ZNF407: variants seen among roughly 807,000 people sequenced by gnomAD.
ZNF407 encodes the protein zinc finger protein 407.
Under a neutral mutation model 131.2 loss-of-function variants are expected in ZNF407, and 17 were observed. The observed-to-expected ratio is 0.13, with a 90% confidence interval of 0.09 to 0.19. The LOEUF (loss-of-function observed/expected upper bound fraction) is 0.19. Ranked by LOEUF, ZNF407 falls within the 10% of genes least tolerant of loss-of-function variation. ZNF407 has a pLI of 1.00. For missense variants in ZNF407, 2,681 were observed against 2,830.6 expected, an observed-to-expected ratio of 0.95 and a Z score of 1.20; for synonymous variants, 1,156 against 1,062.0, an observed-to-expected ratio of 1.09 and a Z score of -1.72.
intron 8 of ZNF407, among the ~76,000 whole-genome samples, chr18:75,042,483 ATGATGTAAC>A (rs1262729951): frequency 2.6e-5 from 4 of 152,222 alleles, no homozygotes; most frequent in African/African-American, 9.6e-5. Flanking sequence ...TAGAGAGAAA[ATGATGTAAC>A]TGCCCACTGA....
intron 4 of ZNF407, among the ~76,000 whole-genome samples, chr18:74,806,280 A>G (rs1371054204): frequency 6.6e-6 from 1 of 152,224 alleles, no homozygotes; most frequent in Non-Finnish European, 1.5e-5. Context: ...TCTTTATCTT[A>G]TCTCAGAAAG....
chr18:74,708,332 A>G (rs1467180537), intron 3 of ZNF407, among the ~76,000 whole-genome samples: 3 of 152,214 alleles, frequency 2.0e-5, no homozygotes, highest in Non-Finnish European at 4.4e-5. Flanking sequence ...ATTACATCAT[A>G]TCACACACAG....
intron 8 of ZNF407, among the ~76,000 whole-genome samples, chr18:74,983,202 A>G (rs1972613317): frequency 6.6e-6 from 1 of 152,120 alleles, no homozygotes; most frequent in Non-Finnish European, 1.5e-5. Context: ...CGATTTGAGT[A>G]GTACCCGGCT....
At chr18:75,010,594 A>G (rs1428893960) in intron 8 of ZNF407, among the ~76,000 whole-genome samples, 1 of 152,172 alleles carries the variant, frequency 6.6e-6, no homozygotes, top group Non-Finnish European at 1.5e-5. Flanking sequence ...TTTCAGTCAC[A>G]TTGGAATCAG....
intron 4 of ZNF407, among the ~76,000 whole-genome samples, chr18:74,866,987 GAAAAAAAAAAA>G (rs35418996): frequency 1.6e-5 from 1 of 62,788 alleles, no homozygotes; most frequent in African/African-American, 6.4e-5. Context: ...GTGTCTACCC[GAAAAAAAAAAA>G]AAAAAAAAAA....
At chr18:74,788,704 G>A (rs541204583) in intron 4 of ZNF407, among the ~76,000 whole-genome samples, 2 of 148,634 alleles carry the variant, frequency 1.3e-5, no homozygotes, top group South Asian at 4.3e-4. Context: ...AGTAGTATAT[G>A]TCACAGAAAA....
chr18:74,818,161 G>T (rs1222142154), intron 4 of ZNF407, among the ~76,000 whole-genome samples: 1 of 152,174 alleles, frequency 6.6e-6, no homozygotes, highest in Non-Finnish European at 1.5e-5. Flanking sequence ...TGCACGTTTG[G>T]TGAGTCCGCC....
At chr18:74,641,165 A>C in intron 3 of ZNF407, 43 bp downstream of exon 3, 1 of 1,480,998 alleles carries the variant, frequency 6.8e-7, no homozygotes, top group Non-Finnish European at 9.4e-7. Flanking sequence ...ACCAGGAAGC[A>C]TGTGCAGGAT....
intron 3 of ZNF407, among the ~76,000 whole-genome samples, chr18:74,728,036 G>T (rs941658827): frequency 6.6e-6 from 1 of 152,058 alleles, no homozygotes; most frequent in Admixed American, 6.5e-5. Context: ...AGGACCCTTG[G>T]GGCAGATGTG....
At chr18:74,945,841 A>G (rs572084728) in intron 8 of ZNF407, among the ~76,000 whole-genome samples, 1 of 152,178 alleles carries the variant, frequency 6.6e-6, no homozygotes, top group Non-Finnish European at 1.5e-5. Flanking sequence ...AATGCCCTCT[A>G]GCACTATTGT....
chr18:75,044,564 C>T (rs1013287234), intron 8 of ZNF407, among the ~76,000 whole-genome samples: 1 of 152,074 alleles, frequency 6.6e-6, no homozygotes, highest in Non-Finnish European at 1.5e-5. Flanking sequence ...CCCTAGGTAA[C>T]GTTTCTGATC....
At position 74,881,072 on chromosome 18, in the gene ZNF407, C is replaced by T; in HGVS notation, c.5081C>T (p.Ala1694Val). ...KSFLCDLCGF[A>V]GGTRHALTKH... ...TTTCTGTGTGACCTCTGCGGCTTTGCCGGCGGGACCCGCCACGCCCTCACC... is the reference window on the plus strand; with the variant it reads ...TTTCTGTGTGACCTCTGCGGCTTTGTCGGCGGGACCCGCCACGCCCTCACC... Residue 1694 changes from alanine to valine, a missense_variant, in exon 6 of 9, where the codon GCC becomes GTC. This residue lies in a region of ZNF407 where 213 missense variants were observed against 332.2 expected (regional missense o/e 0.64). Coordinates refer to ENST00000299687, the MANE Select transcript of ZNF407 (RefSeq NM_017757.3). 6.4e-7 allele frequency: 1 copy of T among 1,562,272 alleles called. No homozygotes were observed.
Position 74,631,520 on chromosome 18 carries a change from T to C in ZNF407, c.501T>C (p.Pro167=). The change falls in exon 2 of 9, where the codon CCT becomes CCC. Residue 167 remains proline (P), a synonymous_variant. Coordinates refer to ENST00000299687, the MANE Select transcript of ZNF407 (RefSeq NM_017757.3). ...CCCTTGATCTGGAAAGAGAATCTCCTTTCCCCCCGAAAGAAATTAGTGTTA... is the reference window on the plus strand; with the variant it reads ...CCCTTGATCTGGAAAGAGAATCTCCCTTCCCCCCGAAAGAAATTAGTGTTA... ...MVSLDLERES[P]FPPKEISVSC... 1 of 1,613,906 alleles carries C rather than the reference T, an allele frequency of 6.2e-7. No individual in the cohort carries two copies. Among genetic ancestry groups the C allele is most frequent in the Non-Finnish European group, 8.5e-7 (1 of 1,179,898 alleles).
intron 7 of ZNF407, among the ~76,000 whole-genome samples, chr18:74,918,077 C>G (rs1016306374): frequency 1.3e-5 from 2 of 152,164 alleles, no homozygotes; most frequent in Non-Finnish European, 2.9e-5. Context: ...TTTTAACTGT[C>G]ATAAAAGTGG....
At chr18:74,693,280 G>A (rs950333786) in intron 3 of ZNF407, among the ~76,000 whole-genome samples, 1 of 152,134 alleles carries the variant, frequency 6.6e-6, no homozygotes, top group Non-Finnish European at 1.5e-5. Flanking sequence ...CAGATTATCC[G>A]ACTCTTTCTC....
At position 74,635,536 on chromosome 18, in the gene ZNF407, A is replaced by T; in HGVS notation, c.4517A>T (p.Lys1506Ile). The change falls in exon 2 of 9, where the codon AAA (lysine) becomes ATA (isoleucine). Residue 1506 changes from lysine (K) to isoleucine (I), a missense_variant. Lys to Ile is a moderately radical substitution (Grantham distance 102, BLOSUM62 -3). Coordinates refer to ENST00000299687, the MANE Select transcript of ZNF407 (RefSeq NM_017757.3). This position sits in a 1 kb window ranked among gnomAD's most constrained non-coding sequence, Gnocchi z 4.7. ...GAACAGAATTTATTTTTACATATTA[A>T]AGGACAGCATGAGGAATTGCTGCGG... is the stretch of plus-strand genomic sequence containing the variant. ...DSEQNLFLHI[K>I]GQHEELLREV... 1 of 1,613,514 alleles carries T rather than the reference A, an allele frequency of 6.2e-7. No homozygotes were observed. Among genetic ancestry groups the T allele is most frequent in the African/African-American group, 1.3e-5 (1 of 75,036 alleles).
At chr18:74,760,394 C>T (rs1286855370) in intron 3 of ZNF407, among the ~76,000 whole-genome samples, 1 of 152,164 alleles carries the variant, frequency 6.6e-6, no homozygotes, top group African/African-American at 2.4e-5. Context: ...CAGCCCTGTG[C>T]ATGTGTGTTT....
intron 3 of ZNF407, among the ~76,000 whole-genome samples, chr18:74,672,486 T>C (rs565731109): frequency 2.6e-5 from 4 of 151,058 alleles, no homozygotes; most frequent in African/African-American, 9.8e-5. Flanking sequence ...GCACCGTTTG[T>C]CTGTTCGTTG....
chr18:74,682,317 A>G (rs1967003704), intron 3 of ZNF407, among the ~76,000 whole-genome samples: 1 of 152,228 alleles, frequency 6.6e-6, no homozygotes, highest in Non-Finnish European at 1.5e-5. Context: ...TTGTGGTCAG[A>G]AAATCAAGGG....
Sources: allele counts gnomAD v4.1 joint callset (sites outside exome capture counted in the v4.1 genomes callset), GRCh38; gene constraint gnomAD v4.1.1; regional missense constraint gnomAD v4.1.1; non-coding constraint Gnocchi (gnomAD v3.1); transcripts MANE v1.5; gene names NCBI Gene and HGNC (gene_info 2026-07-23, HGNC 2026-07-21).